The following XRCC4 variants were observed in gnomAD, a reference collection of about 807,000 sequenced individuals.
XRCC4 encodes X-ray repair cross complementing 4.
A neutral mutation model predicts 39.1 loss-of-function variants in XRCC4; 28 were observed. That is an observed-to-expected ratio of 0.72 (90% confidence interval 0.53 to 0.98). The LOEUF (loss-of-function observed/expected upper bound fraction) is 0.98. Ranked by LOEUF, XRCC4 falls within the 50% of genes least tolerant of loss-of-function variation. The probability of loss-of-function intolerance (pLI) is 0.00; values close to 1 mark genes in which losing one functional copy is unlikely to be tolerated. For missense variants in XRCC4, 350 were observed against 376.4 expected, an observed-to-expected ratio of 0.93 and a Z score of 0.58; for synonymous variants, 123 against 126.4, an observed-to-expected ratio of 0.97 and a Z score of 0.18.
chr5:83,183,713 A>G (rs546962692), intron 3 of XRCC4, among the ~76,000 whole-genome samples: 9 of 152,114 alleles, frequency 5.9e-5, no homozygotes, highest in Non-Finnish European at 8.8e-5. Flanking sequence ...TTACTTTGCC[A>G]TTACCTGAAC....
chr5:83,156,400 A>C (rs781421749), intron 3 of XRCC4, among the ~76,000 whole-genome samples: 18 of 152,048 alleles, frequency 1.2e-4, no homozygotes, highest in Non-Finnish European at 2.4e-4. Flanking sequence ...AGATATGGAT[A>C]TAATGAGTTT....
At chr5:83,345,145 A>G (rs1456670151) in intron 7 of XRCC4, among the ~76,000 whole-genome samples, 3 of 152,184 alleles carry the variant, frequency 2.0e-5, no homozygotes, top group African/African-American at 7.2e-5. Flanking sequence ...ATGTCGCAGT[A>G]TCTCCTCACA....
intron 7 of XRCC4, among the ~76,000 whole-genome samples, chr5:83,286,404 C>T (rs1754734559): frequency 6.6e-6 from 1 of 152,060 alleles, no homozygotes; most frequent in Non-Finnish European, 1.5e-5. Context: ...TCATGATAGC[C>T]ATAACAGTGA....
chr5:83,156,237 T>C (rs1242817793), intron 3 of XRCC4, among the ~76,000 whole-genome samples: 2 of 152,004 alleles, frequency 1.3e-5, no homozygotes, highest in African/African-American at 4.8e-5. Flanking sequence ...TTTTAGTTAA[T>C]TTTGGGAACC....
intron 3 of XRCC4, among the ~76,000 whole-genome samples, chr5:83,179,495 T>G (rs916778945): frequency 2.0e-5 from 3 of 152,176 alleles, no homozygotes; most frequent in African/African-American, 7.2e-5. Context: ...TGTGAATACC[T>G]GGGGTCAACG....
chr5:83,372,809 C>T, the XRCC4 span, among the ~76,000 whole-genome samples: 3 of 152,194 alleles, frequency 2.0e-5, no homozygotes, highest in Admixed American at 6.5e-5. Context: ...TGTAAAGCCA[C>T]TGGACGATCA....
At chr5:83,145,631 GCTTCTTC>G (rs1361317854) in intron 3 of XRCC4, among the ~76,000 whole-genome samples, 2 of 151,924 alleles carry the variant, frequency 1.3e-5, no homozygotes, top group Non-Finnish European at 2.9e-5. Context: ...TCTCTCCTCT[GCTTCTTC>G]CTTTCTAAAA....
chr5:83,304,087 G>A (rs1561464608), intron 7 of XRCC4, among the ~76,000 whole-genome samples: 1 of 151,488 alleles, frequency 6.6e-6, no homozygotes, highest in Non-Finnish European at 1.5e-5. Context: ...ACAGTTCACA[G>A]ATATGATCTG....
chr5:83,310,759 C>A (rs1289212350), intron 7 of XRCC4: 1 of 455,988 alleles, frequency 2.2e-6, no homozygotes, highest in Non-Finnish European at 4.4e-6. Context: ...CTGGATGAAC[C>A]CTAAATGCAA....
intron 3 of XRCC4, among the ~76,000 whole-genome samples, chr5:83,132,512 GT>G (rs1346013902): frequency 7.9e-5 from 12 of 151,778 alleles, no homozygotes; most frequent in African/African-American, 2.9e-4. Context: ...TCATTTTCAG[GT>G]ACACCAATCA....
intron 7 of XRCC4, among the ~76,000 whole-genome samples, chr5:83,352,073 A>G (rs2112236952): frequency 6.6e-6 from 1 of 152,268 alleles, no homozygotes; most frequent in South Asian, 2.1e-4. Context: ...CTAATATCTC[A>G]GTTTTACAGT....
chr5:83,098,482 G>A (rs1254630088), intron 1 of XRCC4, among the ~76,000 whole-genome samples: 2 of 151,976 alleles, frequency 1.3e-5, no homozygotes, highest in African/African-American at 4.8e-5. Flanking sequence ...TATTAAAATG[G>A]AGTTAATTCT....
At chr5:83,174,133 T>G (rs1425674506) in intron 3 of XRCC4, among the ~76,000 whole-genome samples, 1 of 152,206 alleles carries the variant, frequency 6.6e-6, no homozygotes, top group African/African-American at 2.4e-5. Context: ...CATCTTCAAC[T>G]TATAGCCAAA....
intron 3 of XRCC4, among the ~76,000 whole-genome samples, chr5:83,113,681 C>T (rs1053352518): frequency 6.0e-5 from 9 of 151,238 alleles, no homozygotes; most frequent in African/African-American, 2.2e-4. Context: ...AGTGCAATGG[C>T]GTGATCTCCA....
intron 7 of XRCC4, among the ~76,000 whole-genome samples, chr5:83,334,709 TCAA>T (rs1395484608): frequency 6.6e-6 from 1 of 151,772 alleles, no homozygotes; most frequent in Non-Finnish European, 1.5e-5. Context: ...CACTAAAATA[TCAA>T]CAAGTGAAGG....
chr5:83,124,429 C>T (rs1289225212), intron 3 of XRCC4, among the ~76,000 whole-genome samples: 1 of 152,106 alleles, frequency 6.6e-6, no homozygotes, highest in Non-Finnish European at 1.5e-5. Flanking sequence ...TCCACCAAAT[C>T]GTTGAATGTA....
chr5:83,255,846 G>C (rs1036473051), intron 6 of XRCC4, among the ~76,000 whole-genome samples: 2 of 152,120 alleles, frequency 1.3e-5, no homozygotes, highest in Non-Finnish European at 2.9e-5. Flanking sequence ...AACAACCACA[G>C]TTGTTCAGGG....
At chr5:83,092,674 T>G (rs1164959426) in intron 1 of XRCC4, among the ~76,000 whole-genome samples, 2 of 152,134 alleles carry the variant, frequency 1.3e-5, no homozygotes, top group African/African-American at 2.4e-5. Context: ...TTGAGTTGTA[T>G]TTAATCAATG....
chr5:83,133,862 C>G (rs1333028685), intron 3 of XRCC4, among the ~76,000 whole-genome samples: 3 of 152,206 alleles, frequency 2.0e-5, no homozygotes, highest in East Asian at 1.9e-4. Flanking sequence ...CTTGAGGAGC[C>G]CTTCAGGCCA....
Sources: allele counts gnomAD v4.1 joint callset (sites outside exome capture counted in the v4.1 genomes callset), GRCh38; gene constraint gnomAD v4.1.1; transcripts MANE v1.5; gene names NCBI Gene and HGNC (gene_info 2026-07-23, HGNC 2026-07-21).